Variants in MS4A18 observed in about 807,000 individuals in gnomAD.
MS4A18 encodes the protein membrane spanning 4-domains A18, also known as membrane-spanning 4-domains subfamily A member 18.
MS4A18 carries 27 observed loss-of-function variants against 13.1 expected under a neutral mutation model. The ratio of observed to expected loss-of-function variants is 2.06; its 90% CI spans 1.52 to 2.84. MS4A18 has a LOEUF of 2.84. Ranked by LOEUF, MS4A18 falls within the 30% of genes most tolerant of loss-of-function variation. MS4A18 has a pLI of 0.00. For missense variants in MS4A18, 307 were observed against 196.4 expected (o/e 1.56, Z -3.37); for synonymous variants, 126 against 76.5 (o/e 1.65, Z -3.38).
chr11:60,728,203 A>C (rs1853192683), upstream of MS4A18, among the ~76,000 whole-genome samples: 1 of 152,262 alleles, frequency 6.6e-6, no homozygotes, highest in Non-Finnish European at 1.5e-5. Context: ...AGCCTGGGAA[A>C]GACAGTCTGT....
chr11:60,729,470 G>C, exon 1 of MS4A18: 1 of 702,836 alleles, frequency 1.4e-6, no homozygotes, highest in Non-Finnish European at 2.6e-6. Context: ...GTAATCCACT[G>C]TGATACAGGA....
upstream of MS4A18, among the ~76,000 whole-genome samples, chr11:60,724,920 T>C (rs1236579368): frequency 6.6e-6 from 1 of 152,172 alleles, no homozygotes; most frequent in Non-Finnish European, 1.5e-5. Context: ...GGTTCAGACA[T>C]AGGGTAGTGC....
chr11:60,726,034 C>T (rs993433634), upstream of MS4A18, among the ~76,000 whole-genome samples: 3 of 152,178 alleles, frequency 2.0e-5, no homozygotes, highest in Non-Finnish European at 4.4e-5. Context: ...GTTCCACCAT[C>T]CATATGTCAC....
intron 3 of MS4A18, 27 bp downstream of exon 4, chr11:60,737,061 T>A (rs1853353441): frequency 1.4e-6 from 1 of 701,560 alleles, no homozygotes; most frequent in Non-Finnish European, 2.6e-6. Flanking sequence ...TCTTTGATGA[T>A]CCTTGAATGT....
chr11:60,740,982 G>T, intron 4 of MS4A18, 48 bp from the exon 6 acceptor site: 1 of 702,628 alleles, frequency 1.4e-6, no homozygotes, highest in Non-Finnish European at 2.6e-6. Flanking sequence ...TGTCACCTAG[G>T]CCATCAACCT....
intron 5 of MS4A18, among the ~76,000 whole-genome samples, chr11:60,742,473 T>C (rs1326752665): frequency 6.6e-6 from 1 of 152,208 alleles, no homozygotes; most frequent in Non-Finnish European, 1.5e-5. Flanking sequence ...AAGACTGTGT[T>C]CTAGACACAC....
At chr11:60,729,869 T>C (rs1853227926) in intron 1 of MS4A18, 83 bp downstream of exon 2, 1 of 630,904 alleles carries the variant, frequency 1.6e-6, no homozygotes, top group South Asian at 1.8e-5. Flanking sequence ...AGGGAATGTG[T>C]TGAGAGGGTA....
At chr11:60,741,120 G>A (rs2134681970) in exon 5 of MS4A18, 3 of 703,018 alleles carry the variant, frequency 4.3e-6, no homozygotes, top group Non-Finnish European at 5.2e-6. Context: ...TGGGTGCCAG[G>A]CTACCTGCTG....
chr11:60,729,771 G>A (rs184591907), exon 1 of MS4A18: 12 of 699,900 alleles, frequency 1.7e-5, no homozygotes, highest in Admixed American at 1.0e-4. Context: ...TAAATGAGGA[G>A]GTCAGAACAT....
chr11:60,737,174 C>A, intron 3 of MS4A18, 140 bp downstream of exon 4: 1 of 631,614 alleles, frequency 1.6e-6, no homozygotes, highest in South Asian at 1.8e-5. Context: ...TTATTCCAGT[C>A]AATCCCCATC....
At chr11:60,733,788 A>G (rs1162016066) in intron 2 of MS4A18, 141 bp downstream of exon 3, 1 of 657,422 alleles carries the variant, frequency 1.5e-6, no homozygotes, top group Non-Finnish European at 2.8e-6. Context: ...CAGATACAGC[A>G]AAGGGTTATA....
At chr11:60,742,304 T>C (rs1853422940) in intron 5 of MS4A18, among the ~76,000 whole-genome samples, 2 of 152,344 alleles carry the variant, frequency 1.3e-5, no homozygotes, top group South Asian at 4.1e-4. Context: ...CTGCTTCCCA[T>C]ATTAAGAGTG....
upstream of MS4A18, among the ~76,000 whole-genome samples, chr11:60,728,761 A>G (rs542317767): frequency 1.2e-4 from 17 of 147,642 alleles, no homozygotes; most frequent in African/African-American, 3.0e-4. Flanking sequence ...CCCTCCCCCA[A>G]TGCTTCTCAG....
chr11:60,743,753 T>G (rs1436956099), exon 6 of MS4A18: 2 of 702,604 alleles, frequency 2.8e-6, no homozygotes, highest in Non-Finnish European at 5.2e-6. Flanking sequence ...ACTGGCCCTG[T>G]CAGTGCCACC....
upstream of MS4A18, among the ~76,000 whole-genome samples, chr11:60,725,282 C>T (rs191108825): frequency 6.6e-5 from 10 of 152,342 alleles, no homozygotes; most frequent in African/African-American, 2.4e-4. Context: ...CAAGTTCCAC[C>T]TCCCGGTTTC....
At chr11:60,732,546 G>A (rs933349721) in intron 1 of MS4A18, among the ~76,000 whole-genome samples, 2 of 151,798 alleles carry the variant, frequency 1.3e-5, no homozygotes, top group African/African-American at 4.8e-5. Flanking sequence ...TGGCTAACAT[G>A]GTAAACCCCA....
chr11:60,728,581 G>A (rs776881216), upstream of MS4A18, among the ~76,000 whole-genome samples: 75 of 151,440 alleles, frequency 5.0e-4, no homozygotes, highest in Non-Finnish European at 4.7e-4. Context: ...GTGAGTGTGT[G>A]TCTGTCTGTC....
Position 60,737,035 on chromosome 11 carries a change from G to T in MS4A18, c.648+1G>T, listed in dbSNP as rs191988314. ...TGCAAAGGACCCCAGTCCTTGTGTG[G>T]TAAGTCACAGTGCTGTCTTTGATGA... is the stretch of plus-strand genomic sequence containing the variant. On this transcript the variant is annotated splice_donor_variant, in intron 3 of 5. Coordinates refer to ENST00000529108, the Ensembl canonical transcript of MS4A18. LOFTEE classifies it high-confidence loss of function. 1.4e-6 allele frequency: 1 copy of T among 702,602 alleles called. No individual in the cohort carries two copies. The highest frequency in any genetic ancestry group is 1.7e-5 in the African/African-American group (1 of 57,176). 43.5% of individuals were successfully genotyped at this position (702,602 alleles called of 1,614,324 possible).
intron 4 of MS4A18, among the ~76,000 whole-genome samples, chr11:60,739,987 G>A (rs1054321955): frequency 1.3e-5 from 2 of 152,200 alleles, no homozygotes; most frequent in African/African-American, 4.8e-5. Flanking sequence ...AGAGCTCCCT[G>A]AAGGCCCCAG....
Sources: allele counts gnomAD v4.1 joint callset (sites outside exome capture counted in the v4.1 genomes callset), GRCh38; gene constraint gnomAD v4.1.1; transcripts MANE v1.5; gene names NCBI Gene and HGNC (gene_info 2026-07-23, HGNC 2026-07-21).